PRKCB: variants seen among roughly 807,000 people sequenced by gnomAD.
The protein encoded by PRKCB is protein kinase C beta, also known as protein kinase C beta type.
PRKCB carries 13 observed loss-of-function variants against 81.5 expected under a neutral mutation model. The observed-to-expected ratio is 0.16, with a 90% confidence interval of 0.10 to 0.25. The LOEUF (loss-of-function observed/expected upper bound fraction) is 0.25. Among genes scored for constraint, PRKCB ranks in the 10% least tolerant of loss-of-function variants. The probability of loss-of-function intolerance (pLI) is 1.00; values close to 1 mark genes in which losing one functional copy is unlikely to be tolerated. For missense variants in PRKCB, 509 were observed against 875.7 expected (o/e 0.58, Z 5.29); for synonymous variants, 335 against 321.4 (o/e 1.04, Z -0.45).
In PRKCB at chr16:23,910,699, T is replaced by G. The variant is rs150397880; in HGVS notation, c.205+73293T>G. Among the ~76,000 whole-genome samples, 318 of 152,342 alleles carry G rather than the reference T, an allele frequency of 2.1e-3. 1 individual carries two copies. The highest frequency in any genetic ancestry group is 7.2e-3 in the African/African-American group (301 of 41,582). On this transcript the variant is annotated intron_variant, in intron 2 of 16. Coordinates refer to ENST00000643927, the MANE Select transcript of PRKCB (RefSeq NM_002738.7). Reference sequence around the variant, plus strand: ...ATGTAAAATTCACATTTTAACCATTTAAAATGTACAATTCAGTGGTTTTAA... The same window carrying G: ...ATGTAAAATTCACATTTTAACCATTGAAAATGTACAATTCAGTGGTTTTAA...
chr16:24,141,250 A>G (rs767336198), intron 9 of PRKCB, among the ~76,000 whole-genome samples: 20 of 152,132 alleles, frequency 1.3e-4, no homozygotes, highest in Non-Finnish European at 2.8e-4. Context: ...GCTGGAGTGC[A>G]GAGGTGAGAT....
intron 16 of PRKCB, among the ~76,000 whole-genome samples, chr16:24,194,071 A>G (rs1967840258): frequency 6.6e-6 from 1 of 152,204 alleles, no homozygotes; most frequent in African/African-American, 2.4e-5. Flanking sequence ...TCACACCCGT[A>G]ATCCCAGCAC....
intron 3 of PRKCB, among the ~76,000 whole-genome samples, chr16:24,017,154 G>A (rs1043119467): frequency 2.0e-5 from 3 of 152,148 alleles, no homozygotes; most frequent in African/African-American, 7.2e-5. Flanking sequence ...ACTATGGTAT[G>A]GTGCAACGGT....
intron 5 of PRKCB, among the ~76,000 whole-genome samples, chr16:24,059,840 A>C (rs575417128): frequency 3.3e-5 from 5 of 152,336 alleles, no homozygotes; most frequent in African/African-American, 9.6e-5. Context: ...AGAATTGAAC[A>C]GAGTCACTGG....
chr16:23,840,341 C>T (rs936262560), intron 2 of PRKCB, among the ~76,000 whole-genome samples: 1 of 152,082 alleles, frequency 6.6e-6, no homozygotes, highest in African/African-American at 2.4e-5. Context: ...CTCCACTATC[C>T]CTGGGGAGTG....
chr16:24,123,733 G>C, intron 8 of PRKCB, 102 bp from the exon 9 acceptor site: 1 of 1,238,608 alleles, frequency 8.1e-7, no homozygotes, highest in East Asian at 2.4e-5. Flanking sequence ...GGGACAGGGT[G>C]CCGGAGCTGC....
chr16:23,902,764 T>C (rs1171484362), intron 2 of PRKCB, among the ~76,000 whole-genome samples: 7 of 58,778 alleles, frequency 1.2e-4, no homozygotes, highest in African/African-American at 5.0e-4. Flanking sequence ...CTTCCTTCCT[T>C]CCTTCCTTCC....
intron 2 of PRKCB, among the ~76,000 whole-genome samples, chr16:23,930,720 G>A (rs1422514620): frequency 6.6e-6 from 1 of 152,088 alleles, no homozygotes; most frequent in Non-Finnish European, 1.5e-5. Flanking sequence ...AAAACATTTA[G>A]TACTTATTAT....
intron 2 of PRKCB, among the ~76,000 whole-genome samples, chr16:23,912,507 CTTTT>C (rs1210105406): frequency 1.2e-3 from 84 of 72,076 alleles, no homozygotes; most frequent in Middle Eastern, 0.017. Context: ...TTTCTTTCTT[CTTTT>C]TTTTTTTTTT....
At chr16:24,021,028 C>CTTTCTTTCTTTCTTTCTT in intron 3 of PRKCB, among the ~76,000 whole-genome samples, 1 of 140,328 alleles carries the variant, frequency 7.1e-6, no homozygotes, top group South Asian at 2.3e-4. Flanking sequence ...TTCTTTCTTT[C>CTTTCTTTCTTTCTTTCTT]TTTCTTTCTT....
chr16:23,961,838 T>C (rs1964429932), intron 2 of PRKCB, among the ~76,000 whole-genome samples: 1 of 152,120 alleles, frequency 6.6e-6, no homozygotes, highest in Non-Finnish European at 1.5e-5. Flanking sequence ...GGTTTTGGGT[T>C]TTGGAGCATT....
In PRKCB at chr16:24,220,102, A is replaced by G. The variant is rs781115157; in HGVS notation, c.*5286A>G. The G allele has an allele frequency of 8.7e-6, 14 of 1,614,130 alleles. No homozygotes were observed. Among genetic ancestry groups the G allele is most frequent in the Non-Finnish European group, 1.1e-5 (13 of 1,179,998 alleles). ...CTCTTATACTAACCCAGAGTTTGTCATTAATGTGTAGGTGAATGCAAACTC... is the reference window on the plus strand; with the variant it reads ...CTCTTATACTAACCCAGAGTTTGTCGTTAATGTGTAGGTGAATGCAAACTC... On this transcript the variant is annotated 3_prime_UTR_variant, in exon 17 of 17. Transcript: ENST00000643927.
At chr16:24,023,461 C>T (rs967338244) in intron 3 of PRKCB, among the ~76,000 whole-genome samples, 3 of 152,326 alleles carry the variant, frequency 2.0e-5, no homozygotes, top group Non-Finnish European at 2.9e-5. Context: ...CTCTGCCTCC[C>T]AGGTTCACAC....
At position 24,219,590 on chromosome 16, in the gene PRKCB, T is replaced by C. The variant is rs1968288192; in HGVS notation, c.*4774T>C. 9.9e-7 allele frequency: 1 copy of C among 1,008,230 alleles called. No individual in the cohort carries two copies. The highest frequency in any genetic ancestry group is 1.7e-5 in the African/African-American group (1 of 57,794). The allele number at this position is 1,008,230 out of a possible 1,614,324, so 62.5% of individuals were successfully genotyped here. A position where few individuals can be genotyped will look rare whatever the true frequency, so the allele number is the denominator to read the frequency against. On this transcript the variant is annotated 3_prime_UTR_variant, in exon 17 of 17. Coordinates refer to ENST00000643927, the MANE Select transcript of PRKCB (RefSeq NM_002738.7). Reference sequence around the variant, plus strand: ...ACGCTCTACCTAATGATTATTTCTATAACATTAAGCATGGTAATAAGTAGC... The same window carrying C: ...ACGCTCTACCTAATGATTATTTCTACAACATTAAGCATGGTAATAAGTAGC...
At chr16:24,088,077 C>G (rs767729717) in intron 5 of PRKCB, among the ~76,000 whole-genome samples, 11 of 152,228 alleles carry the variant, frequency 7.2e-5, no homozygotes, top group Admixed American at 2.6e-4. Flanking sequence ...CAAAGTCGGT[C>G]TCGCCAAGTG....
In PRKCB at chr16:23,882,027, TTC is replaced by T. The variant is rs377026333; in HGVS notation, c.205+44622_205+44623del. 4.2e-3 allele frequency among the ~76,000 whole-genome samples: 510 copies of T among 120,732 alleles called. 11 individuals are homozygous for T. The highest frequency in any genetic ancestry group is 0.015 in the Middle Eastern group (4 of 260). 79.2% of individuals were successfully genotyped at this position (120,732 alleles called of 152,430 possible). ...CTTTCTTTCTTTCTTTCTTTCTTCC[TTC>T]CTTCCTTCCTTCCTTCCTTCCTTCC... On this transcript the variant is annotated intron_variant, in intron 2 of 16. Coordinates refer to ENST00000643927, the MANE Select transcript of PRKCB (RefSeq NM_002738.7).
chr16:24,165,012 AC>A (rs1403269314), intron 10 of PRKCB, among the ~76,000 whole-genome samples: 2 of 152,092 alleles, frequency 1.3e-5, no homozygotes, highest in Non-Finnish European at 2.9e-5. Context: ...CCTCTCATGC[AC>A]TTTCTTTTAT....
intron 2 of PRKCB, among the ~76,000 whole-genome samples, chr16:23,944,074 CAG>C (rs1185006908): frequency 9.2e-5 from 14 of 152,134 alleles, no homozygotes; most frequent in African/African-American, 3.4e-4. Flanking sequence ...GAGAGAAATT[CAG>C]AGTCAACACG....
chr16:24,052,065 A>G (rs1439916284), intron 5 of PRKCB, among the ~76,000 whole-genome samples: 1 of 148,272 alleles, frequency 6.7e-6, no homozygotes, highest in Non-Finnish European at 1.5e-5. Flanking sequence ...AGCAAGCGAG[A>G]CTCCGTCTCA....
Sources: gnomAD v4.1 joint callset for allele counts (sites outside exome capture counted in the v4.1 genomes callset) on GRCh38, gnomAD v4.1.1 for gene constraint, MANE v1.5 for transcripts, NCBI Gene and HGNC (gene_info 2026-07-23, HGNC 2026-07-21) for gene names.